Variants in UBXN7 observed in about 807,000 individuals in gnomAD.
UBXN7 encodes the protein UBX domain-containing protein 7.
Under a neutral mutation model 58.0 loss-of-function variants are expected in UBXN7, and 9 were observed. The observed-to-expected ratio is 0.16, with a 90% CI of 0.09 to 0.27. UBXN7 has a LOEUF of 0.27. Ranked by LOEUF, UBXN7 falls within the 10% of genes least tolerant of loss-of-function variation. UBXN7 has a pLI of 1.00. For missense variants in UBXN7, 328 were observed against 599.6 expected, an observed-to-expected ratio of 0.55 and a Z score of 4.73; for synonymous variants, 208 against 205.0, an observed-to-expected ratio of 1.01 and a Z score of -0.12.
At chr3:196,391,992 A>C (rs1005941483) in intron 4 of UBXN7, 67 bp from the exon 5 acceptor site, 23 of 795,330 alleles carry the variant, frequency 2.9e-5, no homozygotes, top group South Asian at 5.1e-5. Context: ...AAAAAAAAAA[A>C]AAAAACACAA....
At chr3:196,394,941 T>A (rs576879378) in intron 3 of UBXN7, among the ~76,000 whole-genome samples, 2 of 152,294 alleles carry the variant, frequency 1.3e-5, no homozygotes, top group Admixed American at 1.3e-4. Context: ...TATTACCCAG[T>A]CTTTAAGTAT....
chr3:196,368,057 T>C lies in UBXN7; in HGVS notation c.805A>G (p.Ser269Gly), dbSNP rs200848249. ...GEHGQLDGLS[S>G]SPPKKCARSE... is the part of the protein sequence containing the mutation. ...CGGGCACATTTTTTGGGGGGACTGC[T>C]AGAAAGTCCATCCAGTTGTCCATGT... is the stretch of plus-strand genomic sequence containing the variant. The change falls in exon 8 of 11, where the codon AGC becomes GGC. Residue 269 changes from serine (S) to glycine (G), a missense_variant. Physicochemically the swap from Ser to Gly is moderately conservative, Grantham distance 56 (BLOSUM62 0). Coordinates refer to ENST00000296328, the MANE Select transcript of UBXN7 (RefSeq NM_015562.2). 3 of 1,613,834 alleles carry C rather than the reference T, an allele frequency of 1.9e-6. No individual in the cohort carries two copies. Among genetic ancestry groups the C allele is most frequent in the Non-Finnish European group, 1.7e-6 (2 of 1,179,912 alleles).
chr3:196,377,725 G>A (rs907761127), intron 5 of UBXN7, among the ~76,000 whole-genome samples: 25 of 151,710 alleles, frequency 1.6e-4, no homozygotes, highest in Non-Finnish European at 1.0e-4. Flanking sequence ...GGAGGGCAAT[G>A]GCACCACCAC....
chr3:196,364,293 G>A (rs1728593851), intron 8 of UBXN7, among the ~76,000 whole-genome samples: 1 of 152,084 alleles, frequency 6.6e-6, no homozygotes, highest in Non-Finnish European at 1.5e-5. Flanking sequence ...ATCTAAAATT[G>A]AACACTGGAT....
At chr3:196,410,170 C>T (rs1176820843) in intron 1 of UBXN7, among the ~76,000 whole-genome samples, 4 of 152,064 alleles carry the variant, frequency 2.6e-5, no homozygotes, top group African/African-American at 9.7e-5. Flanking sequence ...GACCTCCTGA[C>T]CTCAGGTGAT....
At chr3:196,365,344 C>T (rs1188553747) in intron 8 of UBXN7, among the ~76,000 whole-genome samples, 1 of 150,064 alleles carries the variant, frequency 6.7e-6, no homozygotes, top group Non-Finnish European at 1.5e-5. Context: ...AAAGCAAATA[C>T]AATAGAGAAA....
rs548777117 is a variant in UBXN7, at chr3:196,386,154, T to C, written c.468+5659A>G. ...GATGAAGGGCGGTGCAAGATGTGCT[T>C]TGTTAAACAGATGCTTGAAGGCAGC... On this transcript the variant is annotated intron_variant, in intron 5 of 10. Coordinates refer to ENST00000296328, the MANE Select transcript of UBXN7 (RefSeq NM_015562.2). 2.0e-5 allele frequency among the ~76,000 whole-genome samples: 3 copies of C among 152,078 alleles called. No individual in the cohort carries two copies. In the South Asian group the frequency reaches 6.2e-4, roughly 32 times the overall value.
chr3:196,397,162 G>C (rs1729800902), intron 3 of UBXN7, among the ~76,000 whole-genome samples: 2 of 152,152 alleles, frequency 1.3e-5, no homozygotes, highest in Non-Finnish European at 2.9e-5. Flanking sequence ...CTGCCACAAG[G>C]AAACATCAGT....
chr3:196,432,204 G>A (rs1731089856), intron 1 of UBXN7, 123 bp downstream of exon 1: 17 of 1,372,124 alleles, frequency 1.2e-5, no homozygotes, highest in Admixed American at 2.0e-5. Flanking sequence ...TTCCTCAGGA[G>A]GGAGGACGGC....
chr3:196,384,232 C>T (rs1338917010), intron 5 of UBXN7, among the ~76,000 whole-genome samples: 3 of 152,138 alleles, frequency 2.0e-5, no homozygotes, highest in Non-Finnish European at 4.4e-5. Flanking sequence ...CACATACACC[C>T]TCCCAAGACT....
chr3:196,400,344 A>C (rs1054477515), intron 3 of UBXN7: 1 of 152,298 alleles, frequency 6.6e-6, no homozygotes, highest in Admixed American at 6.5e-5. Flanking sequence ...AATAGTTTCT[A>C]AAGACCCATT....
In UBXN7 at chr3:196,383,801, T is replaced by C. The variant is rs1456988883; in HGVS notation, c.468+8012A>G. ...AATCTCTGGGACACACTTAAAGCAG[T>C]GTGTAGAGGGAAACTCATAGCACTA... On this transcript the variant is annotated intron_variant, in intron 5 of 10. Coordinates refer to ENST00000296328, the MANE Select transcript of UBXN7 (RefSeq NM_015562.2). 2.6e-5 allele frequency among the ~76,000 whole-genome samples: 4 copies of C among 152,144 alleles called. No homozygotes were observed. In the East Asian group the frequency reaches 7.7e-4, roughly 29 times the overall value.
Position 196,419,321 on chromosome 3 carries a change from T to TAAACAAAC in UBXN7, c.74-11929_74-11928insGTTTGTTT, listed in dbSNP as rs1553854644. Among the ~76,000 whole-genome samples the TAAACAAAC allele has an allele frequency of 3.3e-4, 50 of 150,322 alleles. 1 individual carries two copies. The highest frequency in any genetic ancestry group is 4.2e-4 in the South Asian group (2 of 4,808). ...ATAAATAAATAAATAAATAAATAAA[T>TAAACAAAC]AAACAATGTGACAGGATGACTTCCA... On this transcript the variant is annotated intron_variant, in intron 1 of 10. Coordinates refer to ENST00000296328, the MANE Select transcript of UBXN7 (RefSeq NM_015562.2).
intron 1 of UBXN7, among the ~76,000 whole-genome samples, chr3:196,415,804 T>C (rs968956934): frequency 2.6e-5 from 4 of 151,260 alleles, no homozygotes; most frequent in African/African-American, 4.9e-5. Context: ...GTTCAGTGAC[T>C]ACTGTGCTCT....
In UBXN7 at chr3:196,371,992, T is replaced by C. The variant is rs769858323; in HGVS notation, c.519A>G (p.Gln173=). 6.2e-6 allele frequency: 10 copies of C among 1,613,026 alleles called. No individual in the cohort carries two copies. The East Asian group carries it at 8.9e-5, about 14-fold the overall frequency. ...MQNKWLMINI[Q]NVQDFACQCL... is the part of the protein sequence containing the mutation. ...ACTGACATGCAAAGTCTTGAACATT[T>C]TGAATGTTTATCATCAGCCACTTAT... is the stretch of plus-strand genomic sequence containing the variant. The change falls in exon 6 of 11, where the codon CAA becomes CAG. Residue 173 remains glutamine, a synonymous_variant. Coordinates refer to ENST00000296328, the MANE Select transcript of UBXN7 (RefSeq NM_015562.2).
At position 196,372,888 on chromosome 3, in the gene UBXN7, G is replaced by C. The variant is rs61601147; in HGVS notation, c.469-846C>G. ...AGCCTACCGAGTAGCTGGGATTACA[G>C]GTGTGTGCCACCATGCCTGACTAAT... On this transcript the variant is annotated intron_variant, in intron 5 of 10. Coordinates refer to ENST00000296328, the MANE Select transcript of UBXN7 (RefSeq NM_015562.2). Among the ~76,000 whole-genome samples the C allele has an allele frequency of 5.8e-3, 887 of 151,790 alleles. 5 individuals are homozygous for C. The highest frequency in any genetic ancestry group is 0.02 in the African/African-American group (836 of 41,406).
intron 1 of UBXN7, among the ~76,000 whole-genome samples, chr3:196,411,387 G>A (rs1300882618): frequency 6.6e-6 from 1 of 152,204 alleles, no homozygotes; most frequent in Non-Finnish European, 1.5e-5. Context: ...TGCACTTTGT[G>A]CATATACTTA....
At chr3:196,428,206 T>C (rs1730910415) in intron 1 of UBXN7, among the ~76,000 whole-genome samples, 1 of 152,114 alleles carries the variant, frequency 6.6e-6, no homozygotes, top group South Asian at 2.1e-4. Context: ...TGTGGTTACT[T>C]CAAAGGTCAT....
chr3:196,413,412 C>A (rs1730391859), intron 1 of UBXN7, among the ~76,000 whole-genome samples: 1 of 152,010 alleles, frequency 6.6e-6, no homozygotes, highest in South Asian at 2.1e-4. Context: ...AAACAAACAC[C>A]CTTTTTGGGA....
Sources: allele counts gnomAD v4.1 joint callset (sites outside exome capture counted in the v4.1 genomes callset), GRCh38; gene constraint gnomAD v4.1.1; transcripts MANE v1.5; gene names NCBI Gene and HGNC (gene_info 2026-07-23, HGNC 2026-07-21).